GRAMD4: variants seen among roughly 807,000 people sequenced by gnomAD.
GRAMD4 encodes the protein GRAM domain-containing protein 4.
In GRAMD4, 25 loss-of-function variants were observed where a neutral mutation model predicts 83.9. That is an observed-to-expected ratio of 0.30 (90% CI 0.22 to 0.42). GRAMD4 has a LOEUF of 0.42. Ranked by LOEUF, GRAMD4 falls within the 10% of genes least tolerant of loss-of-function variation. The pLI is 1.00. For synonymous variants in GRAMD4, 336 were observed against 320.9 expected (o/e 1.05, Z -0.50); for missense variants, 593 against 788.7 (o/e 0.75, Z 2.97).
At chr22:46,595,945 G>A (rs2081258285) in intron 1 of GRAMD4, among the ~76,000 whole-genome samples, 1 of 152,256 alleles carries the variant, frequency 6.6e-6, no homozygotes, top group South Asian at 2.1e-4. Context: ...TGGCCGAGGG[G>A]CTTGCAGAGG....
chr22:46,624,896 T>C (rs1476529405), intron 1 of GRAMD4, among the ~76,000 whole-genome samples: 1 of 147,802 alleles, frequency 6.8e-6, no homozygotes, highest in Non-Finnish European at 1.5e-5. Flanking sequence ...AGTCTCGCTC[T>C]GTCACCCAGG....
chr22:46,676,791 G>C (rs2082605421), intron 18 of GRAMD4, 123 bp downstream of exon 18: 1 of 882,456 alleles, frequency 1.1e-6, no homozygotes, highest in African/African-American at 1.7e-5. Context: ...GGGTCACAAA[G>C]CCGCCCCCTC....
At chr22:46,642,675 G>A (rs1186760426) in intron 3 of GRAMD4, among the ~76,000 whole-genome samples, 5 of 152,142 alleles carry the variant, frequency 3.3e-5, no homozygotes, top group Admixed American at 2.0e-4. Context: ...TTCTTCCTTT[G>A]AGGCTGTGTT....
intron 1 of GRAMD4, among the ~76,000 whole-genome samples, chr22:46,593,941 T>C (rs538701689): frequency 1.3e-5 from 2 of 152,024 alleles, no homozygotes; most frequent in African/African-American, 4.8e-5. Flanking sequence ...GGCAGGATAG[T>C]CTTGAACTCC....
intron 13 of GRAMD4, among the ~76,000 whole-genome samples, chr22:46,670,142 G>A (rs1014848651): frequency 3.9e-5 from 6 of 152,228 alleles, no homozygotes; most frequent in African/African-American, 1.4e-4. Flanking sequence ...TCTAGGCTTG[G>A]CGTGCTGCGC....
At chr22:46,598,544 C>T (rs2081283425) in intron 1 of GRAMD4, among the ~76,000 whole-genome samples, 1 of 151,846 alleles carries the variant, frequency 6.6e-6, no homozygotes, top group South Asian at 2.1e-4. Flanking sequence ...GTTCTGGTTA[C>T]CGGCTTGATT....
At chr22:46,605,760 A>G (rs1020554511) in intron 1 of GRAMD4, among the ~76,000 whole-genome samples, 7 of 145,110 alleles carry the variant, frequency 4.8e-5, no homozygotes, top group East Asian at 2.2e-4. Context: ...GCATGGGCCT[A>G]TGGCCGGTGC....
intron 2 of GRAMD4, among the ~76,000 whole-genome samples, chr22:46,630,186 G>A (rs548402531): frequency 2.0e-5 from 3 of 152,052 alleles, no homozygotes; most frequent in South Asian, 2.1e-4. Context: ...CACCACGCCC[G>A]GCTAATATTT....
chr22:46,663,942 T>C (rs1179253452), intron 7 of GRAMD4, 79 bp downstream of exon 7: 1 of 1,581,724 alleles, frequency 6.3e-7, no homozygotes, highest in African/African-American at 1.3e-5. Context: ...TCTGGGATTC[T>C]GAGCTGAACC....
intron 3 of GRAMD4, among the ~76,000 whole-genome samples, chr22:46,651,847 TGGG>T (rs538788972): frequency 6.6e-6 from 1 of 150,926 alleles, no homozygotes; most frequent in African/African-American, 2.4e-5. Flanking sequence ...GAGCTGGAGG[TGGG>T]GGGGAGAGAG....
At chr22:46,650,364 G>C (rs1251593132) in intron 3 of GRAMD4, among the ~76,000 whole-genome samples, 1 of 128,084 alleles carries the variant, frequency 7.8e-6, no homozygotes, top group African/African-American at 3.3e-5. Context: ...GCTGCGTGTC[G>C]AGGCTGGGTG....
intron 1 of GRAMD4, among the ~76,000 whole-genome samples, chr22:46,591,330 C>T (rs950229300): frequency 6.6e-6 from 1 of 151,932 alleles, no homozygotes; most frequent in Non-Finnish European, 1.5e-5. Flanking sequence ...ACGGCCTGGG[C>T]AACATAGTGA....
intron 2 of GRAMD4, among the ~76,000 whole-genome samples, chr22:46,630,679 C>A (rs1387022415): frequency 6.6e-6 from 1 of 152,242 alleles, no homozygotes; most frequent in African/African-American, 2.4e-5. Flanking sequence ...CTCAGGATCT[C>A]ACCCTGGGAT....
At chr22:46,663,993 A>G (rs1168325420) in intron 7 of GRAMD4, 33 bp from the exon 8 acceptor site, 1 of 1,588,666 alleles carries the variant, frequency 6.3e-7, no homozygotes, top group South Asian at 1.1e-5. Flanking sequence ...TCCTACCCAC[A>G]GTGCTGACCA....
downstream of GRAMD4, among the ~76,000 whole-genome samples, chr22:46,681,173 CACAG>C (rs2082669038): frequency 6.7e-6 from 1 of 149,226 alleles, no homozygotes; most frequent in Non-Finnish European, 1.5e-5. Context: ...GACCCCTCCA[CACAG>C]ACAGGGGGCA....
rs112090586 is a variant in GRAMD4, at chr22:46,671,887, A to T, written c.1085-956A>T. 1.8e-3 allele frequency among the ~76,000 whole-genome samples: 274 copies of T among 152,362 alleles called. 4 individuals are homozygous for T. Among genetic ancestry groups the T allele is most frequent in the African/African-American group, 6.3e-3 (262 of 41,572 alleles). On this transcript the variant is annotated intron_variant, in intron 13 of 18. Transcript: ENST00000406902. ...GGGGTCAAAAAGTCTGACTTGATTG[A>T]TGAATTTCTGTGAAAATGTCCTACA...
chr22:46,594,047 T>C (rs888012989), intron 1 of GRAMD4, among the ~76,000 whole-genome samples: 7 of 151,564 alleles, frequency 4.6e-5, no homozygotes, highest in Non-Finnish European at 1.0e-4. Context: ...TTTTTAATAA[T>C]GTAATGGGAA....
At chr22:46,602,950 C>T (rs971874341) in intron 1 of GRAMD4, among the ~76,000 whole-genome samples, 3 of 151,638 alleles carry the variant, frequency 2.0e-5, no homozygotes, top group Non-Finnish European at 2.9e-5. Context: ...ACCATGTTGG[C>T]CAGGCTGGTC....
intron 2 of GRAMD4, among the ~76,000 whole-genome samples, chr22:46,630,931 C>T (rs62233592): frequency 0.24 from 35,427 of 149,530 alleles, 4,472 homozygotes; most frequent in Non-Finnish European, 0.29. Context: ...CCTCGAGGGC[C>T]GTGTGCCCTC....
Sources: allele counts gnomAD v4.1 joint callset (sites outside exome capture counted in the v4.1 genomes callset), GRCh38; gene constraint gnomAD v4.1.1; transcripts MANE v1.5; gene names NCBI Gene and HGNC (gene_info 2026-07-23, HGNC 2026-07-21).